TANC2: variants seen among roughly 807,000 people sequenced by gnomAD.
TANC2 encodes the protein tetratricopeptide repeat, ankyrin repeat and coiled-coil containing 2.
Under a neutral mutation model 210.5 loss-of-function variants are expected in TANC2, and 26 were observed. The ratio of observed to expected loss-of-function variants is 0.12; its 90% CI spans 0.09 to 0.17. TANC2 has a LOEUF of 0.17. Ranked by LOEUF, TANC2 falls within the 10% of genes least tolerant of loss-of-function variation. The pLI is 1.00. For missense variants in TANC2, 2,129 were observed against 2,608.9 expected (o/e 0.82, Z 4.01); for synonymous variants, 931 against 967.1 (o/e 0.96, Z 0.69).
chr17:63,008,394 G>T (rs1275738940), intron 1 of TANC2, among the ~76,000 whole-genome samples: 1 of 151,856 alleles, frequency 6.6e-6, no homozygotes, highest in Non-Finnish European at 1.5e-5. Context: ...CTATGCTTTG[G>T]TTTGGATATT....
chr17:63,118,776 AT>A (rs1162117818), intron 4 of TANC2, among the ~76,000 whole-genome samples: 553 of 125,682 alleles, frequency 4.4e-3, no homozygotes, highest in Middle Eastern at 0.034. Context: ...TATCCAACTA[AT>A]TTTTTTTTTT....
At chr17:63,403,971 T>G (rs2048421027) in intron 19 of TANC2, among the ~76,000 whole-genome samples, 1 of 152,240 alleles carries the variant, frequency 6.6e-6, no homozygotes, top group Non-Finnish European at 1.5e-5. Context: ...AAATTTTACT[T>G]GCTTCTCTGA....
At chr17:62,995,647 A>G (rs1221197455) in intron 1 of TANC2, among the ~76,000 whole-genome samples, 1 of 152,226 alleles carries the variant, frequency 6.6e-6, no homozygotes, top group Non-Finnish European at 1.5e-5. Flanking sequence ...TACTACATAC[A>G]AGGCTGACTG....
intron 4 of TANC2, chr17:63,148,573 T>C (rs1226787907): frequency 1.3e-5 from 2 of 152,190 alleles, no homozygotes; most frequent in African/African-American, 4.8e-5. Flanking sequence ...GGCATAAGAA[T>C]CGATGTTCCC....
chr17:63,366,039 A>C (rs998598694), intron 14 of TANC2, among the ~76,000 whole-genome samples: 6 of 152,086 alleles, frequency 3.9e-5, no homozygotes, highest in Admixed American at 3.3e-4. Context: ...TGCCTGGAAC[A>C]CAGTAAGCGC....
chr17:63,111,229 C>T (rs566123544), intron 4 of TANC2, among the ~76,000 whole-genome samples: 2 of 152,178 alleles, frequency 1.3e-5, no homozygotes, highest in Admixed American at 6.5e-5. Flanking sequence ...GCTGGAGAAT[C>T]GCTTGAACCC....
intron 5 of TANC2, chr17:63,153,441 C>G (rs2039726561): frequency 6.6e-6 from 1 of 152,130 alleles, no homozygotes; most frequent in South Asian, 2.1e-4. Context: ...CAATCACAAA[C>G]TGAAGGTTAG....
Position 63,238,092 on chromosome 17 carries a change from T to C in TANC2, c.1033+15T>C, listed in dbSNP as rs984099802. The C allele has an allele frequency of 8.5e-6, 13 of 1,520,674 alleles. No homozygotes were observed. The African/African-American group carries it at 1.7e-4, about 20-fold the overall frequency. 94.2% of individuals were successfully genotyped at this position (1,520,674 alleles called of 1,614,324 possible). ...TTCAGTAGCAGGTAAGTTTTTGTTG[T>C]TGTTGTTGTTGTTGCTGTTGTTAAA... On this transcript the variant is annotated intron_variant, in intron 8 of 27. Transcript: ENST00000689528.
chr17:63,198,536 T>C (rs2041422419), intron 6 of TANC2, among the ~76,000 whole-genome samples: 1 of 152,144 alleles, frequency 6.6e-6, no homozygotes, highest in African/African-American at 2.4e-5. Context: ...CTATATCTAA[T>C]GTAAAAGACC....
At chr17:63,345,573 C>G (rs2046374621) in intron 12 of TANC2, among the ~76,000 whole-genome samples, 1 of 138,166 alleles carries the variant, frequency 7.2e-6, no homozygotes, top group South Asian at 2.4e-4. Flanking sequence ...GAGCTGAGAT[C>G]ATGCCATTGC....
At chr17:63,005,754 TA>T (rs1282976470) in intron 1 of TANC2, among the ~76,000 whole-genome samples, 1 of 152,168 alleles carries the variant, frequency 6.6e-6, no homozygotes. Context: ...GTTTTGGGAT[TA>T]ATATCATGCA....
intron 14 of TANC2, among the ~76,000 whole-genome samples, chr17:63,369,478 A>G (rs2047200994): frequency 6.6e-6 from 1 of 152,218 alleles, no homozygotes; most frequent in African/African-American, 2.4e-5. Context: ...GTCACGGGAC[A>G]CAAGGACTCC....
chr17:63,315,311 C>T (rs2045279877), intron 10 of TANC2, among the ~76,000 whole-genome samples: 1 of 151,802 alleles, frequency 6.6e-6, no homozygotes, highest in South Asian at 2.1e-4. Context: ...TTCATCACAT[C>T]CTGTTACCAG....
intron 4 of TANC2, among the ~76,000 whole-genome samples, chr17:63,133,898 C>G (rs1216783028): frequency 1.3e-5 from 2 of 151,832 alleles, no homozygotes; most frequent in Non-Finnish European, 2.9e-5. Flanking sequence ...ATCATAAATC[C>G]AACATTAGCA....
chr17:63,149,511 T>C (rs1017622688), intron 4 of TANC2: 1 of 152,156 alleles, frequency 6.6e-6, no homozygotes, highest in African/African-American at 2.4e-5. Context: ...ACCTGTGCTG[T>C]CTTTGTCAGA....
chr17:63,132,286 C>A (rs997800209), intron 4 of TANC2, among the ~76,000 whole-genome samples: 4 of 151,664 alleles, frequency 2.6e-5, no homozygotes, highest in East Asian at 1.9e-4. Context: ...ATGAATAGAG[C>A]AATATATTTT....
In TANC2 at chr17:63,420,756, C is replaced by A; in HGVS notation, c.5026C>A (p.Pro1676Thr). Residue 1676 changes from proline to threonine, a missense_variant, in exon 28 of 28, where the codon CCT (proline) becomes ACT (threonine). By Grantham distance (38) the Pro-to-Thr change is conservative. This residue lies in a region of TANC2 where 584 missense variants were observed against 627.3 expected (regional missense o/e 0.93). Transcript: ENST00000689528. This position sits in a 1 kb window ranked among gnomAD's most constrained non-coding sequence, Gnocchi z 4.2. ...AATGGCCCAGCGGCCCTACCAGATGCCTCAGCTCCCTGTGGCAGTTCCCCA... is the reference window on the plus strand; with the variant it reads ...AATGGCCCAGCGGCCCTACCAGATGACTCAGCTCCCTGTGGCAGTTCCCCA... 6.2e-7 allele frequency: 1 copy of A among 1,614,034 alleles called. No individual in the cohort carries two copies. Among genetic ancestry groups the A allele is most frequent in the Non-Finnish European group, 8.5e-7 (1 of 1,179,896 alleles).
chr17:63,049,197 C>A (rs1219757680), intron 2 of TANC2, among the ~76,000 whole-genome samples: 1 of 152,148 alleles, frequency 6.6e-6, no homozygotes, highest in Non-Finnish European at 1.5e-5. Context: ...CTATTCTAGG[C>A]ATGGCTAATA....
chr17:63,040,862 TC>T (rs1162754849), intron 2 of TANC2, among the ~76,000 whole-genome samples: 1 of 152,206 alleles, frequency 6.6e-6, no homozygotes. Flanking sequence ...CATTCAGAGT[TC>T]AGATTTTCTT....
Sources: gnomAD v4.1 joint callset for allele counts (sites outside exome capture counted in the v4.1 genomes callset) on GRCh38, gnomAD v4.1.1 for gene constraint, gnomAD v4.1.1 regional missense constraint, Gnocchi (gnomAD v3.1) non-coding constraint, MANE v1.5 for transcripts, NCBI Gene and HGNC (gene_info 2026-07-23, HGNC 2026-07-21) for gene names.